ASPH: variants seen among roughly 807,000 people sequenced by gnomAD.
The protein encoded by ASPH is aspartyl/asparaginyl beta-hydroxylase.
A neutral mutation model predicts 118.4 loss-of-function variants in ASPH; 100 were observed. That is an observed-to-expected ratio of 0.84 (90% confidence interval 0.72 to 1.00). The LOEUF is 1.00. ASPH is among the 50% of genes least tolerant of loss of function. The probability of loss-of-function intolerance (pLI) is 0.00; values close to 1 mark genes in which losing one functional copy is unlikely to be tolerated. For missense variants in ASPH, 920 were observed against 919.5 expected, an observed-to-expected ratio of 1.00 and a Z score of -0.01; for synonymous variants, 315 against 325.6, an observed-to-expected ratio of 0.97 and a Z score of 0.35.
intron 3 of ASPH, chr8:61,661,821 A>G: frequency 2.6e-6 from 1 of 387,382 alleles, no homozygotes; most frequent in Non-Finnish European, 4.6e-6. Context: ...TAACTTAAGT[A>G]GTCCTCTGGA....
At chr8:61,696,875 A>G (rs1180578801) in intron 1 of ASPH, among the ~76,000 whole-genome samples, 2 of 152,234 alleles carry the variant, frequency 1.3e-5, no homozygotes, top group African/African-American at 4.8e-5. Context: ...CTAAGAAACA[A>G]AAAAGCTTAA....
intron 13 of ASPH, chr8:61,633,017 G>A (rs1856241489): frequency 6.0e-6 from 1 of 166,026 alleles, no homozygotes. Context: ...TTCCCACTAT[G>A]AGAGTACGAG....
chr8:61,558,349 G>A (rs573142073), intron 18 of ASPH, among the ~76,000 whole-genome samples: 157 of 152,206 alleles, frequency 1.0e-3, no homozygotes, highest in African/African-American at 3.6e-3. Context: ...GAGTAGAAAG[G>A]GATAGTGGGC....
rs897762549 is a variant in ASPH at position 61,665,179 on chromosome 8, A to G, written c.323-11519T>C. 17 of 1,518,190 alleles carry G rather than the reference A, an allele frequency of 1.1e-5. No homozygotes were observed. In the Admixed American group the frequency reaches 2.6e-4, roughly 23 times the overall value. 94.0% of individuals were successfully genotyped at this position (1,518,190 alleles called of 1,614,324 possible). On this transcript the variant is annotated intron_variant, in intron 3 of 24. Coordinates refer to ENST00000379454, the MANE Select transcript of ASPH (RefSeq NM_004318.4). ...CCCTCACCAATCAGAGCAATATTAC[A>G]TTTTCCATGCTTTTTTGTAACAAAC...
chr8:61,700,498 C>G (rs1834978319), intron 1 of ASPH, among the ~76,000 whole-genome samples: 1 of 152,162 alleles, frequency 6.6e-6, no homozygotes, highest in East Asian at 1.9e-4. Context: ...TAATCTATCC[C>G]AACTGTGCAC....
rs539322652 is a variant in ASPH, at chr8:61,639,468, T to C, written c.791-1105A>G. 1.3e-4 allele frequency among the ~76,000 whole-genome samples: 20 copies of C among 152,300 alleles called. No individual in the cohort carries two copies. The East Asian group carries it at 2.9e-3, about 22-fold the overall frequency. On this transcript the variant is annotated intron_variant, in intron 10 of 24. Coordinates refer to ENST00000379454, the MANE Select transcript of ASPH (RefSeq NM_004318.4). ...AGCAACACCATTCTTCTCCAAACACTGTTGCCCCTGGACTTCAGGGTGACC... is the reference window on the plus strand; with the variant it reads ...AGCAACACCATTCTTCTCCAAACACCGTTGCCCCTGGACTTCAGGGTGACC...
intron 14 of ASPH, among the ~76,000 whole-genome samples, chr8:61,613,726 A>G (rs1300941031): frequency 6.6e-6 from 1 of 152,202 alleles, no homozygotes; most frequent in Non-Finnish European, 1.5e-5. Context: ...GCGATTAGGA[A>G]GAGCATTTTG....
intron 6 of ASPH, 31 bp from the exon 7 acceptor site, chr8:61,644,663 C>G (rs368947899): frequency 6.4e-7 from 1 of 1,552,392 alleles, no homozygotes. Flanking sequence ...TTGATATTTA[C>G]TGCTTTTACA....
rs1232992217 is a variant in ASPH, at chr8:61,500,904, C to G, written c.*2455G>C. The G allele has an allele frequency of 6.6e-6, 1 of 152,074 alleles. No homozygotes were observed. Among genetic ancestry groups the G allele is most frequent in the East Asian group, 1.9e-4 (1 of 5,196 alleles). 9.4% of individuals were successfully genotyped at this position (152,074 alleles called of 1,614,324 possible). A position where few individuals can be genotyped will look rare whatever the true frequency, so the allele number is the denominator to read the frequency against. On this transcript the variant is annotated 3_prime_UTR_variant, in exon 25 of 25. Transcript: ENST00000379454. ...GAGATTATTCAACTGGTCATAATCA[C>G]CCCTGATAATATTATTACTAATCTT...
In ASPH at chr8:61,579,235, A is replaced by G. The variant is rs1007399827; in HGVS notation, c.1063-2377T>C. The G allele has an allele frequency of 8.1e-6, 13 of 1,613,770 alleles. No homozygotes were observed. In the African/African-American group the frequency reaches 1.7e-4, roughly 22 times the overall value. On this transcript the variant is annotated intron_variant, in intron 15 of 24. Transcript: ENST00000379454. ...CTGGAGGCCGCCATTGCAGATGCCG[A>G]GCAGCGTGGAGAGCTGGCCATTAAG...
Position 61,500,569 on chromosome 8 carries a change from G to T in ASPH, c.*2790C>A, listed in dbSNP as rs184558557. ...AGAAATGCAGGATGAAATGTCAAAG[G>T]TCATTTTATTTACCTAGTCTCCTTA... On this transcript the variant is annotated 3_prime_UTR_variant, in exon 25 of 25. Coordinates refer to ENST00000379454, the MANE Select transcript of ASPH (RefSeq NM_004318.4). 1.3e-5 allele frequency: 2 copies of T among 152,094 alleles called. No individual in the cohort carries two copies. Among genetic ancestry groups the T allele is most frequent in the Non-Finnish European group, 2.9e-5 (2 of 68,030 alleles). The allele number at this position is 152,094 out of a possible 1,614,324, so 9.4% of individuals were successfully genotyped here.
intron 3 of ASPH, among the ~76,000 whole-genome samples, chr8:61,662,598 T>C (rs1817468583): frequency 1.3e-5 from 2 of 152,192 alleles, no homozygotes; most frequent in South Asian, 4.1e-4. Context: ...TAGTTGAAGC[T>C]TAAATATTAC....
chr8:61,554,461 T>A lies in ASPH; in HGVS notation c.1537-1341A>T, dbSNP rs567488614. 3.3e-5 allele frequency among the ~76,000 whole-genome samples: 5 copies of A among 152,226 alleles called. No homozygotes were observed. The South Asian group carries it at 1.0e-3, about 32-fold the overall frequency. ...ATGTGAAAGAAAGAGATCATAAAAG[T>A]GGAATATATTGATACTTAAAAAAAA... On this transcript the variant is annotated intron_variant, in intron 19 of 24. Transcript: ENST00000379454.
At chr8:61,699,324 T>C (rs933760122) in intron 1 of ASPH, among the ~76,000 whole-genome samples, 1 of 152,186 alleles carries the variant, frequency 6.6e-6, no homozygotes, top group African/African-American at 2.4e-5. Context: ...TAACCACACT[T>C]CTGTAGAATA....
chr8:61,578,869 T>C, intron 15 of ASPH: 1 of 1,612,928 alleles, frequency 6.2e-7, no homozygotes. Flanking sequence ...CTGGAAGGGC[T>C]GACTGACGAG....
At chr8:61,620,061 G>T (rs1483064542) in intron 13 of ASPH, among the ~76,000 whole-genome samples, 5 of 152,168 alleles carry the variant, frequency 3.3e-5, no homozygotes, top group Admixed American at 6.6e-5. Context: ...TTCAATTTGG[G>T]GAGATGAAAA....
At chr8:61,607,671 G>A (rs1846025764) in intron 14 of ASPH, among the ~76,000 whole-genome samples, 1 of 152,024 alleles carries the variant, frequency 6.6e-6, no homozygotes, top group Non-Finnish European at 1.5e-5. Flanking sequence ...CCATGAATCG[G>A]TCTATGGCAA....
chr8:61,661,859 T>G, intron 3 of ASPH: 3 of 422,548 alleles, frequency 7.1e-6, no homozygotes, highest in Non-Finnish European at 1.3e-5. Flanking sequence ...GCTGATTGAT[T>G]TATGTCAATT....
Position 61,583,952 on chromosome 8 carries a change from G to A in ASPH, c.1054C>T (p.Arg352Cys), listed in dbSNP as rs151110168. 1.1e-5 allele frequency: 17 copies of A among 1,577,642 alleles called. No individual in the cohort carries two copies. The highest frequency in any genetic ancestry group is 2.4e-5 in the South Asian group (2 of 85,036). Residue 352 changes from arginine (R) to cysteine (C), a missense_variant, in exon 15 of 25, where the codon CGT becomes TGT. Arg to Cys is a radical substitution (Grantham distance 180, BLOSUM62 -3). Coordinates refer to ENST00000379454, the MANE Select transcript of ASPH (RefSeq NM_004318.4). ...AAAAAATATCAACCTACCCTTTTAC[G>A]GAGTTTTTCTGCAGCATCAAGTTCA... ...KAELDAAEKL[R>C]KRGKIEEAVN...
Sources: allele counts gnomAD v4.1 joint callset (sites outside exome capture counted in the v4.1 genomes callset), GRCh38; gene constraint gnomAD v4.1.1; transcripts MANE v1.5; gene names NCBI Gene and HGNC (gene_info 2026-07-23, HGNC 2026-07-21).